Variants in SLC6A4 observed in about 807,000 individuals in gnomAD.
SLC6A4 encodes the protein sodium-dependent serotonin transporter.
In SLC6A4, 22 loss-of-function variants were observed where a neutral mutation model predicts 73.4. The observed-to-expected ratio is 0.30, with a 90% CI of 0.21 to 0.43. The LOEUF (loss-of-function observed/expected upper bound fraction) is 0.43. SLC6A4 is among the 20% of genes least tolerant of loss of function. The pLI is 1.00. For synonymous variants in SLC6A4, 270 were observed against 315.5 expected, an observed-to-expected ratio of 0.86 and a Z score of 1.53; for missense variants, 593 against 808.5, an observed-to-expected ratio of 0.73 and a Z score of 3.23.
At chr17:30,215,518 A>G in intron 8 of SLC6A4, 93 bp downstream of exon 8, 1 of 1,037,260 alleles carries the variant, frequency 9.6e-7, no homozygotes, top group Non-Finnish European at 1.5e-6. Flanking sequence ...GCCTGGCCAG[A>G]TTCGAGGCCG....
intron 14 of SLC6A4, 61 bp downstream of exon 14, chr17:30,203,111 C>A: frequency 1.5e-6 from 2 of 1,362,714 alleles, no homozygotes; most frequent in Non-Finnish European, 2.1e-6. Flanking sequence ...CAAGATAATC[C>A]TTTTCTCCCA....
chr17:30,202,582 T>G (rs765888489), intron 14 of SLC6A4, among the ~76,000 whole-genome samples: 3 of 152,216 alleles, frequency 2.0e-5, no homozygotes, highest in Non-Finnish European at 2.9e-5. Context: ...TGTAAGGTAC[T>G]GTTATTAACA....
chr17:30,231,057 TA>T (rs1374518157), intron 1 of SLC6A4, among the ~76,000 whole-genome samples: 1 of 152,136 alleles, frequency 6.6e-6, no homozygotes, highest in Admixed American at 6.5e-5. Flanking sequence ...CACTGTATGC[TA>T]AAAAGGACAT....
Position 30,212,739 on chromosome 17 carries a change from C to T in SLC6A4, c.1204+1G>A, listed in dbSNP as rs1476764969. On this transcript the variant is annotated splice_donor_variant, in intron 9 of 14. Coordinates refer to ENST00000650711, the MANE Select transcript of SLC6A4 (RefSeq NM_001045.6). LOFTEE classifies it high-confidence loss of function. ...GACCTGCATAGAACCCGAGGTCCTA[C>T]CTGCGTCTTTGGCCACCTCAGACAC... is the stretch of plus-strand genomic sequence containing the variant. 1 of 1,614,154 alleles carries T rather than the reference C, an allele frequency of 6.2e-7. No homozygotes were observed.
In SLC6A4 at chr17:30,211,385, GC is replaced by G; in HGVS notation, c.1243del (p.Ala415ProfsTer15). The part of the protein sequence containing the change: ...LLFITYAEAI[A>X]NMPASTFFAI... ...AAAGAAAGTGGACGCTGGCATGTTG[GC>G]TATCGCTTCTGCATACGTGATGAAG... On this transcript the variant is annotated frameshift_variant, in exon 10 of 15. Coordinates refer to ENST00000650711, the MANE Select transcript of SLC6A4 (RefSeq NM_001045.6). LOFTEE classifies it high-confidence loss of function. This position sits in a 1 kb window ranked among gnomAD's most constrained non-coding sequence, Gnocchi z 4.0. 6.2e-7 allele frequency: 1 copy of G among 1,613,780 alleles called. No individual in the cohort carries two copies. Among genetic ancestry groups the G allele is most frequent in the Non-Finnish European group, 8.5e-7 (1 of 1,179,750 alleles).
At position 30,211,393 on chromosome 17, in the gene SLC6A4, T is replaced by G; in HGVS notation, c.1236A>C (p.Glu412Asp). The G allele has an allele frequency of 6.2e-7, 1 of 1,613,754 alleles. No individual in the cohort carries two copies. The change falls in exon 10 of 15, where the codon GAA becomes GAC. Residue 412 changes from glutamate to aspartate, a missense_variant. Coordinates refer to ENST00000650711, the MANE Select transcript of SLC6A4 (RefSeq NM_001045.6). This position sits in a 1 kb window ranked among gnomAD's most constrained non-coding sequence, Gnocchi z 4.0. ...TGGACGCTGGCATGTTGGCTATCGC[T>G]TCTGCATACGTGATGAAGAGGAGGC... ...GPSLLFITYA[E>D]AIANMPASTF...
intron 14 of SLC6A4, among the ~76,000 whole-genome samples, chr17:30,202,079 G>A (rs1414228605): frequency 2.0e-5 from 3 of 152,110 alleles, no homozygotes; most frequent in African/African-American, 7.2e-5. Flanking sequence ...GGTACAGAGT[G>A]AGACCTTGTC....
intron 14 of SLC6A4, among the ~76,000 whole-genome samples, chr17:30,199,440 C>T (rs563263777): frequency 5.3e-5 from 8 of 152,258 alleles, no homozygotes; most frequent in African/African-American, 1.7e-4. Context: ...TGAAAGCATC[C>T]TTTGATTTAC....
At chr17:30,224,932 T>A (rs563419691) in intron 1 of SLC6A4, among the ~76,000 whole-genome samples, 1 of 152,184 alleles carries the variant, frequency 6.6e-6, no homozygotes, top group South Asian at 2.1e-4. Flanking sequence ...GGAAGAGTAA[T>A]ACGCTGTTTC....
chr17:30,222,726 C>G (rs909000928), intron 2 of SLC6A4, 93 bp downstream of exon 2: 8 of 1,129,490 alleles, frequency 7.1e-6, no homozygotes, highest in East Asian at 5.7e-5. Context: ...TGAGCTGCCT[C>G]CGGCTGTGTC....
In SLC6A4 at chr17:30,215,714, C is replaced by T. The variant is rs1306137038; in HGVS notation, c.973G>A (p.Val325Met). ...ATCTGAGCGGCTGCATCTATCCACA[C>T]CTGGAACACAGCAGGGGTAAGGGCA... Reference protein sequence around the residue: ...PNWQKLLETGVWIDAAAQIFF... With the variant: ...PNWQKLLETGMWIDAAAQIFF... Residue 325 changes from valine to methionine, a missense_variant and splice_region_variant, in exon 8 of 15, where the codon GTG becomes ATG. By Grantham distance (21) the Val-to-Met change is conservative. Transcript: ENST00000650711. 1.2e-6 allele frequency: 2 copies of T among 1,613,588 alleles called. No individual in the cohort carries two copies. The highest frequency in any genetic ancestry group is 1.7e-6 in the Non-Finnish European group (2 of 1,179,696).
At chr17:30,206,702 CT>C (rs1215631591) in intron 13 of SLC6A4, among the ~76,000 whole-genome samples, 3 of 110,734 alleles carry the variant, frequency 2.7e-5, no homozygotes, top group African/African-American at 1.2e-4. Context: ...CTCCTTTTTT[CT>C]TTTCTTTTCT....
In SLC6A4 at chr17:30,207,725, A is replaced by T; in HGVS notation, c.1650+7T>A. ...GGGCAAGGAGGAGAAGGGAAATGGC[A>T]ACTCACCAGGAGAAACAGAGGGCTG... is the stretch of plus-strand genomic sequence containing the variant. On this transcript the variant is annotated splice_region_variant and intron_variant, in intron 13 of 14. Coordinates refer to ENST00000650711, the MANE Select transcript of SLC6A4 (RefSeq NM_001045.6). 6.3e-7 allele frequency: 1 copy of T among 1,588,856 alleles called. No individual in the cohort carries two copies. The highest frequency in any genetic ancestry group is 8.6e-7 in the Non-Finnish European group (1 of 1,156,904).
At chr17:30,217,652 T>C (rs1470126718) in intron 5 of SLC6A4, among the ~76,000 whole-genome samples, 4 of 152,204 alleles carry the variant, frequency 2.6e-5, no homozygotes, top group African/African-American at 9.6e-5. Context: ...AAAGTAGCTC[T>C]CTCTTTGGGC....
At chr17:30,213,000 C>T in intron 8 of SLC6A4, 133 bp from the exon 9 acceptor site, 1 of 918,358 alleles carries the variant, frequency 1.1e-6, no homozygotes, top group East Asian at 2.7e-5. Context: ...CTCAAGGAAC[C>T]TCAAGCCTGT....
rs1272768785 is a variant in SLC6A4 at position 30,211,235 on chromosome 17, G to A, written c.1317+77C>T. 4 of 959,424 alleles carry A rather than the reference G, an allele frequency of 4.2e-6. No homozygotes were observed. The highest frequency in any genetic ancestry group is 6.6e-6 in the Non-Finnish European group (4 of 609,142). The allele number at this position is 959,424 out of a possible 1,614,324, so 59.4% of individuals were successfully genotyped here. A position where few individuals can be genotyped will look rare whatever the true frequency, so the allele number is the denominator to read the frequency against. ...CTGCCTGGGATGGCCAGGGATGGGA[G>A]GGAATTGAGTCCAGCTGAGTCCTCC... is the stretch of plus-strand genomic sequence containing the variant. On this transcript the variant is annotated intron_variant, in intron 10 of 14. Transcript: ENST00000650711. The surrounding 1 kb of genome is among the most constrained non-coding windows in gnomAD (Gnocchi z 4.0).
At chr17:30,218,420 G>GC in intron 4 of SLC6A4, 83 bp from the exon 5 acceptor site, 7 of 1,048,438 alleles carry the variant, frequency 6.7e-6, no homozygotes, top group Non-Finnish European at 1.0e-5. Flanking sequence ...GCACTGGAGA[G>GC]CCCCGCAGCC....
intron 1 of SLC6A4, among the ~76,000 whole-genome samples, chr17:30,230,098 G>GAAGAAGAAGAAGAAGAAGAAGAGGAGGAA (rs1555591454): frequency 1.1e-5 from 1 of 89,558 alleles, no homozygotes; most frequent in East Asian, 4.0e-4. Flanking sequence ...AAGAAGAAGA[G>GAAGAAGAAGAAGAAGAAGAAGAGGAGGAA]GAGGAAGAGG....
Position 30,212,765 on chromosome 17 carries a change from A to T in SLC6A4, c.1179T>A (p.Asp393Glu). 6.2e-7 allele frequency: 1 copy of T among 1,614,198 alleles called. No homozygotes were observed. The highest frequency in any genetic ancestry group is 1.1e-5 in the South Asian group (1 of 91,084). ...CTGCGTCTTTGGCCACCTCAGACAC[A>T]TCTTCATTCCTCATCTCAGCCATGT... ...LGYMAEMRNEDVSEVAKDAGP... is the reference protein window; with the variant it reads ...LGYMAEMRNEEVSEVAKDAGP... The change falls in exon 9 of 15, where the codon GAT becomes GAA. Residue 393 changes from aspartate to glutamate, a missense_variant. Transcript: ENST00000650711.
Sources: gnomAD v4.1 joint callset for allele counts (sites outside exome capture counted in the v4.1 genomes callset) on GRCh38, gnomAD v4.1.1 for gene constraint, Gnocchi (gnomAD v3.1) non-coding constraint, MANE v1.5 for transcripts, NCBI Gene and HGNC (gene_info 2026-07-23, HGNC 2026-07-21) for gene names.